Variants in HTT-AS observed in about 807,000 individuals in gnomAD.
HTT-AS encodes HTT antisense RNA (head to head).
chr4:3,047,799 C>G (rs1294065703), downstream of HTT-AS, among the ~76,000 whole-genome samples: 1 of 152,246 alleles, frequency 6.6e-6, no homozygotes, highest in Non-Finnish European at 1.5e-5. Flanking sequence ...GCTCCTGTTT[C>G]ACTTTCATGT....
chr4:3,049,696 G>C (rs545717460), exon 3 of HTT-AS, among the ~76,000 whole-genome samples: 1 of 152,074 alleles, frequency 6.6e-6, no homozygotes, highest in South Asian at 2.1e-4. Context: ...CAGTCTTCGG[G>C]TTCTAGAATG....
At chr4:3,063,246 A>T (rs1013335328) in exon 2 of HTT-AS, among the ~76,000 whole-genome samples, 2 of 152,242 alleles carry the variant, frequency 1.3e-5, no homozygotes, top group African/African-American at 4.8e-5. Flanking sequence ...AGGGAAAGAA[A>T]GTCAGCGTGG....
intron 2 of HTT-AS, among the ~76,000 whole-genome samples, chr4:3,050,624 C>A (rs752603947): frequency 6.6e-6 from 1 of 152,128 alleles, no homozygotes; most frequent in South Asian, 2.1e-4. Context: ...GTTAAAAACA[C>A]AATTGACAAG....
chr4:3,073,870 G>A (rs1308022488), intron 1 of HTT-AS, among the ~76,000 whole-genome samples: 1 of 152,194 alleles, frequency 6.6e-6, no homozygotes, highest in Non-Finnish European at 1.5e-5. Context: ...GTATGGCTCT[G>A]GCCACGGGCC....
At chr4:3,050,182 AT>A (rs1224159874) in intron 2 of HTT-AS, among the ~76,000 whole-genome samples, 1 of 152,230 alleles carries the variant, frequency 6.6e-6, no homozygotes, top group Non-Finnish European at 1.5e-5. Flanking sequence ...CTTAATTAAC[AT>A]TAGACTTCAG....
intron 1 of HTT-AS, among the ~76,000 whole-genome samples, chr4:3,063,970 CT>C (rs1711993416): frequency 6.6e-6 from 1 of 151,940 alleles, no homozygotes; most frequent in Non-Finnish European, 1.5e-5. Flanking sequence ...GGGTGAGCAT[CT>C]TTTGTTCTAA....
rs745453531 is a variant in HTT-AS at position 3,059,923 on chromosome 4, TG to T, written n.1380+2510del. On this transcript the variant is annotated intron_variant and non_coding_transcript_variant, in intron 2 of 2. Transcript: ENST00000664062. Reference sequence around the variant, plus strand: ...TTAACATCTTTGTCCCTGTGTTTTTTGTTTTTTTTTTTGAGACGGAGTCTCA... The same window carrying T: ...TTAACATCTTTGTCCCTGTGTTTTTTTTTTTTTTTTTGAGACGGAGTCTCA... Among the ~76,000 whole-genome samples, 12 of 150,306 alleles carry T rather than the reference TG, an allele frequency of 8.0e-5. 4 individuals are homozygous for T. Among genetic ancestry groups the T allele is most frequent in the Non-Finnish European group, 1.2e-4 (8 of 67,464 alleles).
At chr4:3,065,586 CATA>C (rs1712032477) in intron 1 of HTT-AS, among the ~76,000 whole-genome samples, 2 of 152,120 alleles carry the variant, frequency 1.3e-5, no homozygotes, top group African/African-American at 4.8e-5. Flanking sequence ...TAGATAAATC[CATA>C]ATAAGTTGAA....
At position 3,073,981 on chromosome 4, in the gene HTT-AS, C is replaced by A. The variant is rs549435903; in HGVS notation, n.113+445G>T. Among the ~76,000 whole-genome samples, 390 of 152,076 alleles carry A rather than the reference C, an allele frequency of 2.6e-3. 2 individuals carry two copies. Among genetic ancestry groups the A allele is most frequent in the African/African-American group, 8.7e-3 (363 of 41,520 alleles). On this transcript the variant is annotated intron_variant and non_coding_transcript_variant, in intron 1 of 2. Transcript: ENST00000664062. ...CGGCGGGGGATCCTTTCCGCATGGG[C>A]CTGCGCCCGCGCTCGGCGCCCCCTC...
chr4:3,058,163 C>T (rs1711845179), intron 2 of HTT-AS, among the ~76,000 whole-genome samples: 1 of 151,678 alleles, frequency 6.6e-6, no homozygotes. Context: ...CCCATCTCTA[C>T]TAAAAATAAA....
At chr4:3,067,305 C>G (rs1277716676) in intron 1 of HTT-AS, among the ~76,000 whole-genome samples, 1 of 152,156 alleles carries the variant, frequency 6.6e-6, no homozygotes, top group Non-Finnish European at 1.5e-5. Context: ...AGCCGTGTTT[C>G]AAGGACGGTG....
At chr4:3,062,236 T>TGAGACTGGTTTAAAA (rs1232984026) in intron 2 of HTT-AS, among the ~76,000 whole-genome samples, 2 of 152,068 alleles carry the variant, frequency 1.3e-5, no homozygotes, top group Non-Finnish European at 2.9e-5. Flanking sequence ...TCACTATGTG[T>TGAGACTGGTTTAAAA]CCAGGCTGGT....
At chr4:3,046,998 A>AAT (rs1553907143), downstream of HTT-AS, among the ~76,000 whole-genome samples, 3 of 152,104 alleles carry the variant, frequency 2.0e-5, no homozygotes, top group Non-Finnish European at 4.4e-5. Context: ...TATAATAAAA[A>AAT]ATATATATAT....
intron 1 of HTT-AS, among the ~76,000 whole-genome samples, chr4:3,069,323 T>A (rs2110124991): frequency 6.6e-6 from 1 of 151,576 alleles, no homozygotes; most frequent in Admixed American, 6.6e-5. Context: ...TTTTTTTTTT[T>A]TTTTAAATAT....
downstream of HTT-AS, among the ~76,000 whole-genome samples, chr4:3,049,001 G>C (rs1044236808): frequency 2.0e-5 from 3 of 152,172 alleles, no homozygotes; most frequent in African/African-American, 7.2e-5. Flanking sequence ...AAAGTATAAA[G>C]TTATCCGTGT....
At chr4:3,062,798 C>T (rs1208683462) in exon 2 of HTT-AS, among the ~76,000 whole-genome samples, 1 of 151,988 alleles carries the variant, frequency 6.6e-6, no homozygotes, top group East Asian at 1.9e-4. Context: ...GTGAGGAAAT[C>T]CTGTGTTGTG....
chr4:3,054,060 G>C (rs750979348), intron 2 of HTT-AS, among the ~76,000 whole-genome samples: 1 of 151,790 alleles, frequency 6.6e-6, no homozygotes, highest in Non-Finnish European at 1.5e-5. Flanking sequence ...ACCCAGCCAG[G>C]TTTGCTAAAT....
At chr4:3,074,612 T>TCCGCCGGCGC (rs1456093597), upstream of HTT-AS, 9 of 424,892 alleles carry the variant, frequency 2.1e-5, no homozygotes, top group East Asian at 2.3e-4. Context: ...CTGGCCGGCG[T>TCCGCCGGCGC]GGCCCCGCCT....
At chr4:3,071,739 G>C (rs1018636055) in intron 1 of HTT-AS, among the ~76,000 whole-genome samples, 2 of 152,110 alleles carry the variant, frequency 1.3e-5, no homozygotes, top group Admixed American at 6.5e-5. Context: ...TCATTAGGGT[G>C]GGCCATAATC....
Sources: gnomAD v4.1 joint callset for allele counts (sites outside exome capture counted in the v4.1 genomes callset) on GRCh38, gnomAD v4.1.1 for gene constraint, MANE v1.5 for transcripts, NCBI Gene and HGNC (gene_info 2026-07-23, HGNC 2026-07-21) for gene names.